NALF1: variants seen among roughly 807,000 people sequenced by gnomAD.
The protein encoded by NALF1 is family with sequence similarity 155 member A.
In NALF1, 3 loss-of-function variants were observed where a neutral mutation model predicts 48.4. That is an observed-to-expected ratio of 0.06 (90% CI 0.03 to 0.16). The LOEUF (loss-of-function observed/expected upper bound fraction) is 0.16. Ranked by LOEUF, NALF1 falls within the 10% of genes least tolerant of loss-of-function variation. NALF1 has a pLI of 1.00. For missense variants in NALF1, 526 were observed against 571.5 expected (o/e 0.92, Z 0.81); for synonymous variants, 262 against 245.7 (o/e 1.07, Z -0.62).
chr13:107,834,789 T>C (rs1024948966), intron 1 of NALF1, among the ~76,000 whole-genome samples: 3 of 152,218 alleles, frequency 2.0e-5, no homozygotes, highest in African/African-American at 7.2e-5. Context: ...TGTCAAAACA[T>C]TGTTCATCTG....
intron 1 of NALF1, among the ~76,000 whole-genome samples, chr13:107,635,869 C>G (rs1473281520): frequency 6.6e-6 from 1 of 152,036 alleles, no homozygotes; most frequent in Non-Finnish European, 1.5e-5. Flanking sequence ...CCCAAATTTG[C>G]AAGTATAATT....
In NALF1 at chr13:107,556,673, G is replaced by C. The variant is rs1023920751; in HGVS notation, c.915+309009C>G. On this transcript the variant is annotated intron_variant, in intron 1 of 2. Transcript: ENST00000375915. ...TGCCCAGCTTTTTGTATTTATTAGA[G>C]ACGGGGTTCACCATGTTAGTCAGGC... Among the ~76,000 whole-genome samples, 7 of 69,830 alleles carry C rather than the reference G, an allele frequency of 1.0e-4. No homozygotes were observed. The South Asian group carries it at 2.0e-3, about 20-fold the overall frequency. 45.8% of individuals were successfully genotyped at this position (69,830 alleles called of 152,430 possible).
intron 1 of NALF1, among the ~76,000 whole-genome samples, chr13:107,596,892 C>G (rs1184704117): frequency 1.3e-5 from 2 of 152,012 alleles, no homozygotes; most frequent in Non-Finnish European, 2.9e-5. Context: ...GCAGTATGCT[C>G]AATGTTATAC....
At chr13:107,430,687 T>C (rs1884364750) in intron 1 of NALF1, among the ~76,000 whole-genome samples, 1 of 152,218 alleles carries the variant, frequency 6.6e-6, no homozygotes, top group South Asian at 2.1e-4. Context: ...ATTTTCTTAA[T>C]CCAGTCTATC....
intron 1 of NALF1, among the ~76,000 whole-genome samples, chr13:107,780,250 T>TTC (rs1877850247): frequency 6.6e-6 from 1 of 152,028 alleles, no homozygotes; most frequent in Non-Finnish European, 1.5e-5. Context: ...TTGCCTTCCC[T>TTC]TCTTAATTTC....
chr13:107,278,914 T>C (rs1028290305), intron 1 of NALF1, among the ~76,000 whole-genome samples: 2 of 152,198 alleles, frequency 1.3e-5, no homozygotes, highest in African/African-American at 4.8e-5. Context: ...CCTTTCCATA[T>C]TGCAGTGAGG....
chr13:107,338,995 G>T (rs1025003467), intron 1 of NALF1, among the ~76,000 whole-genome samples: 1 of 152,004 alleles, frequency 6.6e-6, no homozygotes, highest in Non-Finnish European at 1.5e-5. Context: ...TTAGCCGGGC[G>T]TGGTGGCAGG....
intron 1 of NALF1, among the ~76,000 whole-genome samples, chr13:107,280,857 T>C (rs992244228): frequency 6.6e-6 from 1 of 152,164 alleles, no homozygotes; most frequent in Non-Finnish European, 1.5e-5. Flanking sequence ...CAACTCAAAA[T>C]TGCATCCCTG....
At chr13:107,287,990 G>A (rs1881532540) in intron 1 of NALF1, among the ~76,000 whole-genome samples, 2 of 151,712 alleles carry the variant, frequency 1.3e-5, no homozygotes, top group Admixed American at 1.3e-4. Flanking sequence ...TTACAGGCGT[G>A]AGCCACCACA....
intron 1 of NALF1, among the ~76,000 whole-genome samples, chr13:107,721,566 G>A (rs984479132): frequency 6.6e-6 from 1 of 152,090 alleles, no homozygotes; most frequent in African/African-American, 2.4e-5. Context: ...CTCTCCGTGT[G>A]GCCTCACGCT....
chr13:107,299,378 A>G (rs905336577), intron 1 of NALF1, among the ~76,000 whole-genome samples: 1 of 151,342 alleles, frequency 6.6e-6, no homozygotes, highest in Non-Finnish European at 1.5e-5. Flanking sequence ...CGGAGGTAGC[A>G]GTGAGCGAGA....
intron 1 of NALF1, among the ~76,000 whole-genome samples, chr13:107,537,838 T>C (rs530916148): frequency 6.6e-6 from 1 of 152,060 alleles, no homozygotes; most frequent in Admixed American, 6.6e-5. Flanking sequence ...GCCAACATGG[T>C]GAAATCTTGT....
rs1021143493 is a variant in NALF1, at chr13:107,490,714, G to GC, written c.916-279960_916-279959insG. Among the ~76,000 whole-genome samples, 4 of 149,146 alleles carry GC rather than the reference G, an allele frequency of 2.7e-5. No individual in the cohort carries two copies. In the East Asian group the frequency reaches 5.9e-4, roughly 22 times the overall value. On this transcript the variant is annotated intron_variant, in intron 1 of 2. Transcript: ENST00000375915. ...TGCACATGTAACCCTGAACTTAAAAGTTTTTTTTTTAAAGGTCAATATCTG... is the reference window on the plus strand; with the variant it reads ...TGCACATGTAACCCTGAACTTAAAAGCTTTTTTTTTTAAAGGTCAATATCTG...
rs114935266 is a variant in NALF1 at position 107,695,730 on chromosome 13, G to A, written c.915+169952C>T. ...ACGTATCCTTGCTTATGATATCTGTGCTCCTCTAACATATTCTTGTAACAA... is the reference window on the plus strand; with the variant it reads ...ACGTATCCTTGCTTATGATATCTGTACTCCTCTAACATATTCTTGTAACAA... On this transcript the variant is annotated intron_variant, in intron 1 of 2. Coordinates refer to ENST00000375915, the MANE Select transcript of NALF1 (RefSeq NM_001080396.3). 8.6e-3 allele frequency among the ~76,000 whole-genome samples: 1,306 copies of A among 152,134 alleles called. 21 individuals are homozygous for A. The highest frequency in any genetic ancestry group is 0.029 in the African/African-American group (1,196 of 41,498).
intron 1 of NALF1, among the ~76,000 whole-genome samples, chr13:107,325,349 C>A (rs999060266): frequency 3.9e-5 from 6 of 152,098 alleles, no homozygotes; most frequent in Non-Finnish European, 8.8e-5. Flanking sequence ...AATTCTTTCA[C>A]ATCTATTTTA....
intron 1 of NALF1, among the ~76,000 whole-genome samples, chr13:107,431,709 C>T (rs934232878): frequency 6.6e-6 from 1 of 152,176 alleles, no homozygotes; most frequent in Non-Finnish European, 1.5e-5. Flanking sequence ...ATAAGTCATT[C>T]TGGACTTGCT....
intron 1 of NALF1, among the ~76,000 whole-genome samples, chr13:107,653,155 C>T (rs1465084555): frequency 6.7e-6 from 1 of 150,026 alleles, no homozygotes; most frequent in Non-Finnish European, 1.5e-5. Context: ...AAGAACATGA[C>T]ATTCGAAGGA....
intron 1 of NALF1, among the ~76,000 whole-genome samples, chr13:107,642,929 G>A (rs543848849): frequency 3.3e-5 from 5 of 152,282 alleles, no homozygotes; most frequent in South Asian, 2.1e-4. Flanking sequence ...CAGAAGCATC[G>A]CATTGGAGTT....
At chr13:107,373,369 A>C (rs750913348) in intron 1 of NALF1, among the ~76,000 whole-genome samples, 11 of 152,194 alleles carry the variant, frequency 7.2e-5, no homozygotes, top group Non-Finnish European at 1.5e-4. Flanking sequence ...AGACCCAAGA[A>C]AGGTGAAAGA....
Sources: gnomAD v4.1 joint callset for allele counts (sites outside exome capture counted in the v4.1 genomes callset) on GRCh38, gnomAD v4.1.1 for gene constraint, MANE v1.5 for transcripts, NCBI Gene and HGNC (gene_info 2026-07-23, HGNC 2026-07-21) for gene names.